The following ABCC2 variants were observed in gnomAD, a reference collection of about 807,000 sequenced individuals.
ABCC2 encodes the protein ATP-binding cassette sub-family C member 2.
A neutral mutation model predicts 173.4 loss-of-function variants in ABCC2; 157 were observed. The observed-to-expected ratio is 0.91, with a 90% CI of 0.80 to 1.03. The LOEUF (loss-of-function observed/expected upper bound fraction) is 1.03. Among genes scored for constraint, ABCC2 ranks in the 50% least tolerant of loss-of-function variants. The probability of loss-of-function intolerance (pLI) is 0.00; values close to 1 mark genes in which losing one functional copy is unlikely to be tolerated. For missense variants in ABCC2, 1,822 were observed against 1,852.3 expected (o/e 0.98, Z 0.30); for synonymous variants, 657 against 693.5 (o/e 0.95, Z 0.83).
At position 99,794,017 on chromosome 10, in the gene ABCC2, C is replaced by T; in HGVS notation, c.576+18C>T. 3 of 1,553,314 alleles carry T rather than the reference C, an allele frequency of 1.9e-6. No individual in the cohort carries two copies. Among genetic ancestry groups the T allele is most frequent in the East Asian group, 4.5e-5 (2 of 44,604 alleles). On this transcript the variant is annotated intron_variant, in intron 5 of 31. Coordinates refer to ENST00000647814, the MANE Select transcript of ABCC2 (RefSeq NM_000392.5). ...CATCAAATGTGAGATTCTAAATATG[C>T]CCATCTCATATATTACTTAATTGGA...
In ABCC2 at chr10:99,814,567, A is replaced by G. The variant is rs1161071090; in HGVS notation, c.2094+1423A>G. ...CACACATATGTGTATATACACATAT[A>G]CACACACATATGTGTATATACACAT... On this transcript the variant is annotated intron_variant, in intron 16 of 31. Coordinates refer to ENST00000647814, the MANE Select transcript of ABCC2 (RefSeq NM_000392.5). Among the ~76,000 whole-genome samples the G allele has an allele frequency of 1.9e-4, 8 of 41,592 alleles. 1 individual carries two copies. Among genetic ancestry groups the G allele is most frequent in the Non-Finnish European group, 2.7e-4 (5 of 18,496 alleles). 27.3% of individuals were successfully genotyped at this position (41,592 alleles called of 152,430 possible).
At chr10:99,795,734 A>G (rs28434545) in intron 6 of ABCC2, among the ~76,000 whole-genome samples, 111 of 136,084 alleles carry the variant, frequency 8.2e-4, no homozygotes, top group Middle Eastern at 7.4e-3. Context: ...AAAGAAAGAA[A>G]GAAGGAAAGA....
At position 99,831,649 on chromosome 10, in the gene ABCC2, A is replaced by G. The variant is rs184055071; in HGVS notation, c.2922A>G (p.Ile974Met). 6.2e-7 allele frequency: 1 copy of G among 1,614,200 alleles called. No individual in the cohort carries two copies. The highest frequency in any genetic ancestry group is 1.3e-5 in the African/African-American group (1 of 75,050). The change falls in exon 22 of 32, where the codon ATA (isoleucine) becomes ATG (methionine). Residue 974 changes from isoleucine to methionine, a missense_variant. Physicochemically the swap from Ile to Met is conservative, Grantham distance 10 (BLOSUM62 1). Transcript: ENST00000647814. ...TCTACCTGGAGTACCTACAAGCAAT[A>G]GGATTGTTTTCGATATTCTTCATCA... ...FSIYLEYLQA[I>M]GLFSIFFIIL...
intron 6 of ABCC2, among the ~76,000 whole-genome samples, chr10:99,795,656 A>G (rs1031539274): frequency 2.6e-5 from 4 of 151,632 alleles, no homozygotes; most frequent in Non-Finnish European, 5.9e-5. Context: ...CCAAGATCGC[A>G]CCATTGCACT....
At position 99,819,120 on chromosome 10, in the gene ABCC2, T is replaced by C. The variant is rs1375321156; in HGVS notation, c.2471T>C (p.Phe824Ser). Residue 824 changes from phenylalanine (F) to serine (S), a missense_variant, in exon 19 of 32, where the codon TTT becomes TCT. Physicochemically the swap from Phe to Ser is radical, Grantham distance 155 (BLOSUM62 -2). Coordinates refer to ENST00000647814, the MANE Select transcript of ABCC2 (RefSeq NM_000392.5). ...TRLLVTHSMH[F>S]LPQVDEIVVL... ...CTCTTGGTTACACATAGCATGCACT[T>C]TCTTCCTCAAGTGGATGAGATTGTA... 8 of 1,614,200 alleles carry C rather than the reference T, an allele frequency of 5.0e-6. No individual in the cohort carries two copies. The Admixed American group carries it at 1.3e-4, about 27-fold the overall frequency.
intron 25 of ABCC2, among the ~76,000 whole-genome samples, chr10:99,839,393 G>A (rs1211920147): frequency 4.0e-4 from 32 of 79,192 alleles, no homozygotes; most frequent in Middle Eastern, 0.015. Context: ...CCTCCCGGAC[G>A]GGGCGGCTGG....
Position 99,847,137 on chromosome 10 carries a change from C to T in ABCC2, c.4313+10C>T, listed in dbSNP as rs747030291. 1.9e-6 allele frequency: 3 copies of T among 1,614,040 alleles called. No individual in the cohort carries two copies. Among genetic ancestry groups the T allele is most frequent in the Non-Finnish European group, 2.5e-6 (3 of 1,180,024 alleles). On this transcript the variant is annotated intron_variant, in intron 30 of 31. Transcript: ENST00000647814. Reference sequence around the variant, plus strand: ...CTGGTGGCAACCTGAGGTAATGTTCCATAGCCTGCTACCCCTGCAGGCAAT... The same window carrying T: ...CTGGTGGCAACCTGAGGTAATGTTCTATAGCCTGCTACCCCTGCAGGCAAT...
Position 99,842,010 on chromosome 10 carries a change from T to C in ABCC2, c.3658T>C (p.Phe1220Leu). The stretch of plus-strand genomic sequence containing the variant: ...GGAGCTGGTTGGGAACCTGACTGTC[T>C]TCTTTTCAGCCTTGATGATGGTTAT... ...RLELVGNLTV[F>L]FSALMMVIYR... Residue 1220 changes from phenylalanine to leucine, a missense_variant, in exon 26 of 32, where the codon TTC becomes CTC. Physicochemically the swap from Phe to Leu is conservative, Grantham distance 22. Coordinates refer to ENST00000647814, the MANE Select transcript of ABCC2 (RefSeq NM_000392.5). 1 of 1,614,224 alleles carries C rather than the reference T, an allele frequency of 6.2e-7. No homozygotes were observed. Among genetic ancestry groups the C allele is most frequent in the Non-Finnish European group, 8.5e-7 (1 of 1,180,040 alleles).
Position 99,797,308 on chromosome 10 carries a change from C to A in ABCC2, c.844C>A (p.Gln282Lys). Residue 282 changes from glutamine to lysine, a missense_variant, in exon 7 of 32, where the codon CAA (glutamine) becomes AAA (lysine). Physicochemically the swap from Gln to Lys is moderately conservative, Grantham distance 53. Coordinates refer to ENST00000647814, the MANE Select transcript of ABCC2 (RefSeq NM_000392.5). ...GCCTGGCTTGAACAAGAATCAGAGT[C>A]AAAGCCAAGATGCCCTTGTCCTGGT... ...RLPGLNKNQS[Q>K]SQDALVLEDV... 1 of 1,613,292 alleles carries A rather than the reference C, an allele frequency of 6.2e-7. No individual in the cohort carries two copies. Among genetic ancestry groups the A allele is most frequent in the South Asian group, 1.1e-5 (1 of 90,834 alleles).
At chr10:99,833,463 G>A (rs1484663901) in intron 23 of ABCC2, among the ~76,000 whole-genome samples, 2 of 152,184 alleles carry the variant, frequency 1.3e-5, no homozygotes, top group Non-Finnish European at 2.9e-5. Context: ...AGGTGGCTCA[G>A]ACCTATTAAG....
At chr10:99,841,846 T>C in intron 25 of ABCC2, 121 bp from the exon 26 acceptor site, 1 of 1,345,056 alleles carries the variant, frequency 7.4e-7, no homozygotes, top group East Asian at 2.4e-5. Flanking sequence ...ATTGAGGCAT[T>C]GCCTAAGAGT....
At chr10:99,850,344 C>T (rs1333887532) in intron 30 of ABCC2, among the ~76,000 whole-genome samples, 1 of 152,216 alleles carries the variant, frequency 6.6e-6, no homozygotes, top group Admixed American at 6.5e-5. Context: ...AGGCTCCTGC[C>T]CGCTCTGATT....
intron 19 of ABCC2, among the ~76,000 whole-genome samples, chr10:99,825,838 G>C (rs2038629206): frequency 6.6e-6 from 1 of 152,164 alleles, no homozygotes. Flanking sequence ...TGCCGCTCGT[G>C]GCGGGGGACA....
In ABCC2 at chr10:99,782,872, T is replaced by G. The variant is rs748623159; in HGVS notation, c.28T>G (p.Phe10Val). The G allele has an allele frequency of 2.5e-5, 40 of 1,613,920 alleles. No homozygotes were observed. Among genetic ancestry groups the G allele is most frequent in the Non-Finnish European group, 3.3e-5 (39 of 1,179,980 alleles). Reference sequence around the variant, plus strand: ...GCTGGAGAAGTTCTGCAACTCTACTTTTTGGGTGAGAAATTACATTTATCT... The same window carrying G: ...GCTGGAGAAGTTCTGCAACTCTACTGTTTGGGTGAGAAATTACATTTATCT... MLEKFCNSTFWNSSFLDSPE... is the reference protein window; with the variant it reads MLEKFCNSTVWNSSFLDSPE... Residue 10 changes from phenylalanine (F) to valine (V), a missense_variant, in exon 1 of 32, where the codon TTT becomes GTT. By Grantham distance (50) the Phe-to-Val change is conservative. Transcript: ENST00000647814.
intron 3 of ABCC2, among the ~76,000 whole-genome samples, chr10:99,793,108 T>A (rs1043191160): frequency 3.3e-5 from 5 of 152,204 alleles, no homozygotes; most frequent in Admixed American, 2.6e-4. Flanking sequence ...TAATGTGAGA[T>A]GGTATAAGGC....
rs747671078 is a variant in ABCC2 at position 99,844,499 on chromosome 10, C to G, written c.3987+34C>G. 9.3e-6 allele frequency: 15 copies of G among 1,608,704 alleles called. No homozygotes were observed. In the Admixed American group the frequency reaches 1.7e-4, roughly 18 times the overall value. On this transcript the variant is annotated intron_variant, in intron 28 of 31. Transcript: ENST00000647814. ...AGTGAAGGAAGGCCTGGATGGGAGG[C>G]CTTGTGATCAAACAACAATTGGACA... is the stretch of plus-strand genomic sequence containing the variant.
chr10:99,844,270 C>T (rs376321366), intron 27 of ABCC2, 52 bp from the exon 28 acceptor site: 79 of 1,610,498 alleles, frequency 4.9e-5, no homozygotes, highest in Admixed American at 2.2e-4. Context: ...GTGGACTGTT[C>T]GGCTGAGTTG....
rs1564683636 is a variant in ABCC2, at chr10:99,814,206, CACACATGT to C, written c.2094+1063_2094+1070del. Among the ~76,000 whole-genome samples the C allele has an allele frequency of 4.0e-3, 291 of 72,338 alleles. 11 individuals carry two copies. Among genetic ancestry groups the C allele is most frequent in the African/African-American group, 0.011 (194 of 18,168 alleles). 47.5% of individuals were successfully genotyped at this position (72,338 alleles called of 152,430 possible). On this transcript the variant is annotated intron_variant, in intron 16 of 31. Transcript: ENST00000647814. ...ATGTATACACACATGTGTATATATA[CACACATGT>C]GTATATATACACACATGTGTATATA...
At chr10:99,790,712 T>C (rs190103227) in intron 2 of ABCC2, among the ~76,000 whole-genome samples, 53 of 152,308 alleles carry the variant, frequency 3.5e-4, no homozygotes, top group African/African-American at 7.7e-4. Flanking sequence ...AAACACCCTA[T>C]AGTGTATTAT....
Sources: gnomAD v4.1 joint callset for allele counts (sites outside exome capture counted in the v4.1 genomes callset) on GRCh38, gnomAD v4.1.1 for gene constraint, MANE v1.5 for transcripts, NCBI Gene and HGNC (gene_info 2026-07-23, HGNC 2026-07-21) for gene names.